VDR: variants seen among roughly 807,000 people sequenced by gnomAD.
VDR encodes vitamin D receptor.
A neutral mutation model predicts 39.7 loss-of-function variants in VDR; 19 were observed. That is an observed-to-expected ratio of 0.48 (90% CI 0.33 to 0.70). VDR has a LOEUF of 0.70. Among genes scored for constraint, VDR ranks in the 30% least tolerant of loss-of-function variants. The pLI is 0.02. For synonymous variants in VDR, 242 were observed against 215.8 expected (o/e 1.12, Z -1.07); for missense variants, 442 against 570.5 (o/e 0.77, Z 2.29).
At chr12:47,896,818 GGGCAGAAGTCACTTCCTGCCCCT>G (rs1225930061) in intron 1 of VDR, 4 of 152,182 alleles carry the variant, frequency 2.6e-5, no homozygotes, top group East Asian at 1.9e-4. Flanking sequence ...CAAAGAGGCT[GGGCAGAAGTCACTTCCTGCCCCT>G]GGCAGAAGTC....
chr12:47,880,997 A>C (rs1401520136), intron 2 of VDR, among the ~76,000 whole-genome samples: 1 of 150,600 alleles, frequency 6.6e-6, no homozygotes, highest in African/African-American at 2.4e-5. Flanking sequence ...AAGCACTTTC[A>C]GAAAGAGAAC....
intron 3 of VDR, among the ~76,000 whole-genome samples, chr12:47,871,192 G>A (rs544210105): frequency 4.3e-4 from 66 of 152,212 alleles, no homozygotes; most frequent in African/African-American, 1.5e-3. Context: ...GTCCATGGGC[G>A]CAATGGTGGT....
intron 1 of VDR, among the ~76,000 whole-genome samples, chr12:47,892,481 T>G (rs554860612): frequency 1.1e-3 from 175 of 152,338 alleles, no homozygotes; most frequent in African/African-American, 4.1e-3. Flanking sequence ...TCCTTCTGGG[T>G]AGGGTCCCTC....
At chr12:47,873,869 C>T (rs527467538) in intron 3 of VDR, among the ~76,000 whole-genome samples, 35 of 152,250 alleles carry the variant, frequency 2.3e-4, no homozygotes, top group African/African-American at 7.9e-4. Context: ...TAGGACAAAT[C>T]CCTCTAGGGA....
chr12:47,844,650 G>T lies in VDR; in HGVS notation c.*96C>A. 6.4e-7 allele frequency: 1 copy of T among 1,556,846 alleles called. No homozygotes were observed. On this transcript the variant is annotated 3_prime_UTR_variant, in exon 10 of 10. Coordinates refer to ENST00000549336, the MANE Select transcript of VDR (RefSeq NM_000376.3). ...GCAGAGGAGGGGCTGAACCCCAGAC[G>T]GGGTGAGGAGGGCTGCTGAGTAGCC...
intron 1 of VDR, among the ~76,000 whole-genome samples, chr12:47,891,768 C>A (rs1013367521): frequency 6.6e-6 from 1 of 152,206 alleles, no homozygotes; most frequent in African/African-American, 2.4e-5. Flanking sequence ...ACCTCCATCC[C>A]CCACCTCCCC....
At chr12:47,859,921 CTT>C (rs67136609) in intron 4 of VDR, among the ~76,000 whole-genome samples, 29,025 of 66,380 alleles carry the variant, frequency 0.44, 6,237 homozygotes, top group African/African-American at 0.53. Flanking sequence ...TTCCTTCTTT[CTT>C]TTTCTTTCTT....
intron 9 of VDR, 134 bp from the exon 10 acceptor site, chr12:47,845,139 C>T (rs566007841): frequency 7.2e-6 from 10 of 1,379,432 alleles, no homozygotes; most frequent in African/African-American, 5.7e-5. Context: ...GACTGCTGAC[C>T]GGTGATACCA....
At chr12:47,877,042 C>G (rs115675798) in intron 3 of VDR, among the ~76,000 whole-genome samples, 1 of 152,166 alleles carries the variant, frequency 6.6e-6, no homozygotes, top group East Asian at 1.9e-4. Flanking sequence ...CAACTCCTAG[C>G]CCAATGCCAG....
In VDR at chr12:47,855,805, G is replaced by A. The variant is rs1945475183; in HGVS notation, c.584-4C>T. On this transcript the variant is annotated splice_polypyrimidine_tract_variant and splice_region_variant and intron_variant, in intron 6 of 9. Transcript: ENST00000549336. ...AAGCTGGACGAGTCCATCATGTCTG[G>A]GAGAGATGAGGGAAGAGAAGGAGCT... 3 of 1,613,576 alleles carry A rather than the reference G, an allele frequency of 1.9e-6. No individual in the cohort carries two copies. The East Asian group carries it at 6.7e-5, about 36-fold the overall frequency.
chr12:47,855,707 C>CAT lies in VDR; in HGVS notation c.676_677dup (p.Met226IlefsTer23). 2 of 1,614,168 alleles carry CAT rather than the reference C, an allele frequency of 1.2e-6. No individual in the cohort carries two copies. The highest frequency in any genetic ancestry group is 1.7e-6 in the Non-Finnish European group (2 of 1,180,016). ...TGACCAGGTCAGCCAGGTGGGGCAG[C>CAT]ATGGAGAGCTGGGACAGCTCTAGGG... On this transcript the variant is annotated frameshift_variant, in exon 7 of 10. Transcript: ENST00000549336. LOFTEE classifies it high-confidence loss of function.
chr12:47,860,642 A>G (rs368972826), intron 4 of VDR, among the ~76,000 whole-genome samples: 6 of 152,330 alleles, frequency 3.9e-5, no homozygotes, highest in East Asian at 1.9e-4. Context: ...ACAAGGTTAC[A>G]GCCTCAGAGT....
intron 9 of VDR, 103 bp from the exon 10 acceptor site, chr12:47,845,108 C>G: frequency 6.4e-7 from 1 of 1,556,186 alleles, no homozygotes; most frequent in Middle Eastern, 2.3e-4. Flanking sequence ...AACGGCAGCA[C>G]CCCCTAGGCC....
At chr12:47,859,492 C>T (rs565141891) in intron 4 of VDR, among the ~76,000 whole-genome samples, 1 of 152,184 alleles carries the variant, frequency 6.6e-6, no homozygotes, top group East Asian at 1.9e-4. Context: ...GCTAGGTGCC[C>T]GTCCAGCTGG....
chr12:47,877,931 C>A (rs1946041203), intron 3 of VDR, among the ~76,000 whole-genome samples: 1 of 152,194 alleles, frequency 6.6e-6, no homozygotes, highest in Non-Finnish European at 1.5e-5. Flanking sequence ...TCTGGGCCTG[C>A]TGATTCCTGA....
At chr12:47,876,629 C>T (rs1445343195) in intron 3 of VDR, among the ~76,000 whole-genome samples, 1 of 152,236 alleles carries the variant, frequency 6.6e-6, no homozygotes, top group East Asian at 1.9e-4. Context: ...CATGTGCCCA[C>T]AAGCAACACA....
chr12:47,899,340 A>G (rs923616374), intron 1 of VDR, among the ~76,000 whole-genome samples: 5 of 152,170 alleles, frequency 3.3e-5, no homozygotes, highest in Admixed American at 6.5e-5. Flanking sequence ...ATATCTACTG[A>G]ATACACATGC....
chr12:47,869,449 T>C (rs969402649), intron 3 of VDR, among the ~76,000 whole-genome samples: 1 of 135,896 alleles, frequency 7.4e-6, no homozygotes, highest in Non-Finnish European at 1.5e-5. Context: ...GGCAGGAGAA[T>C]GGCGTGAACC....
chr12:47,882,834 T>A, intron 1 of VDR, 60 bp from the exon 2 acceptor site: 2 of 1,366,472 alleles, frequency 1.5e-6, no homozygotes, highest in Non-Finnish European at 2.0e-6. Flanking sequence ...CTCCCCAGTC[T>A]CTAAGGAAGT....
Sources: gnomAD v4.1 joint callset for allele counts (sites outside exome capture counted in the v4.1 genomes callset) on GRCh38, gnomAD v4.1.1 for gene constraint, MANE v1.5 for transcripts, NCBI Gene and HGNC (gene_info 2026-07-23, HGNC 2026-07-21) for gene names.